Variants in UNC5B observed in about 807,000 individuals in gnomAD.
UNC5B encodes netrin receptor UNC5B.
In UNC5B, 56 loss-of-function variants were observed where a neutral mutation model predicts 103.7. That is an observed-to-expected ratio of 0.54 (90% confidence interval 0.44 to 0.67). UNC5B has a LOEUF of 0.67. UNC5B is among the 30% of genes least tolerant of loss of function. UNC5B has a pLI of 0.00. For synonymous variants in UNC5B, 577 were observed against 542.0 expected (o/e 1.06, Z -0.90); for missense variants, 1,194 against 1,284.5 (o/e 0.93, Z 1.08).
chr10:71,299,403 C>T lies in UNC5B; in HGVS notation c.*126C>T. The T allele has an allele frequency of 1.7e-6, 2 of 1,166,094 alleles. No homozygotes were observed. The highest frequency in any genetic ancestry group is 2.4e-6 in the Non-Finnish European group (2 of 824,396). 72.2% of individuals were successfully genotyped at this position (1,166,094 alleles called of 1,614,324 possible). A position where few individuals can be genotyped will look rare whatever the true frequency, so the allele number is the denominator to read the frequency against. On this transcript the variant is annotated 3_prime_UTR_variant, in exon 17 of 17. Transcript: ENST00000335350. ...GTTCACAGCCAGAGTTGCCTCTCCT[C>T]CTCCTCTTCCCCAACCCCCAGACCA...
At position 71,288,955 on chromosome 10, in the gene UNC5B, C is replaced by T; in HGVS notation, c.1067-3C>T. ...TTGTCTTTCCCTTTATTTCCCTTGA[C>T]AGATAAGAAAACTCTAAGCGACCCC... On this transcript the variant is annotated splice_region_variant and splice_polypyrimidine_tract_variant and intron_variant, in intron 7 of 16. Coordinates refer to ENST00000335350, the MANE Select transcript of UNC5B (RefSeq NM_170744.5). The T allele has an allele frequency of 1.9e-6, 3 of 1,606,750 alleles. No homozygotes were observed. The highest frequency in any genetic ancestry group is 2.6e-6 in the Non-Finnish European group (3 of 1,175,444).
chr10:71,286,943 C>G, intron 5 of UNC5B, 74 bp downstream of exon 5: 1 of 1,558,954 alleles, frequency 6.4e-7, no homozygotes, highest in Non-Finnish European at 8.7e-7. Context: ...TAGGGGGGAC[C>G]CCTGGATTGG....
Position 71,287,659 on chromosome 10 carries a change from C to G in UNC5B, c.795C>G (p.Gly265=). The change falls in exon 6 of 17, where the codon GGC becomes GGG. Residue 265 remains glycine (G), a synonymous_variant. Coordinates refer to ENST00000335350, the MANE Select transcript of UNC5B (RefSeq NM_170744.5). The part of the protein sequence containing the change: ...WSPCSNRCGR[G]WQKRTRTCTN... ...CCTGCTCCAACCGCTGTGGCCGAGG[C>G]TGGCAGAAGCGCACCCGGACCTGCA... 1 of 1,612,934 alleles carries G rather than the reference C, an allele frequency of 6.2e-7. No individual in the cohort carries two copies.
chr10:71,261,223 A>G (rs1188687186), intron 1 of UNC5B, among the ~76,000 whole-genome samples: 2 of 152,180 alleles, frequency 1.3e-5, no homozygotes, highest in Admixed American at 1.3e-4. Context: ...GTGAGGGTGA[A>G]TAGGGATTAA....
intron 1 of UNC5B, among the ~76,000 whole-genome samples, chr10:71,254,812 A>G (rs1394031657): frequency 6.6e-6 from 1 of 152,216 alleles, no homozygotes; most frequent in Admixed American, 6.5e-5. Context: ...TGGCGCCCTT[A>G]GAAACAACAC....
chr10:71,221,341 C>G (rs951576629), intron 1 of UNC5B, among the ~76,000 whole-genome samples: 3 of 152,206 alleles, frequency 2.0e-5, no homozygotes, highest in Non-Finnish European at 4.4e-5. Flanking sequence ...CCTTGTCACC[C>G]ACTCCGAAGC....
intron 1 of UNC5B, among the ~76,000 whole-genome samples, chr10:71,214,324 C>CTTTA (rs1843291433): frequency 6.6e-6 from 1 of 151,910 alleles, no homozygotes; most frequent in East Asian, 1.9e-4. Flanking sequence ...GAGGGCTTGG[C>CTTTA]TTTAGCACAT....
Position 71,213,117 on chromosome 10 carries a change from C to T in UNC5B, c.79+53C>T, listed in dbSNP as rs754276613. 1 of 1,219,062 alleles carries T rather than the reference C, an allele frequency of 8.2e-7. No homozygotes were observed. Among genetic ancestry groups the T allele is most frequent in the Non-Finnish European group, 1.0e-6 (1 of 963,954 alleles). The allele number at this position is 1,219,062 out of a possible 1,614,324, so 75.5% of individuals were successfully genotyped here. A position where few individuals can be genotyped will look rare whatever the true frequency, so the allele number is the denominator to read the frequency against. On this transcript the variant is annotated intron_variant, in intron 1 of 16. Coordinates refer to ENST00000335350, the MANE Select transcript of UNC5B (RefSeq NM_170744.5). This position sits in a 1 kb window ranked among gnomAD's most constrained non-coding sequence, Gnocchi z 4.1. The stretch of plus-strand genomic sequence containing the variant: ...GGGGCTAGGGGACCCTTGCGCCTCA[C>T]TCTGTCCTGAAGTTGAGGTGGTCTT...
At chr10:71,226,317 C>T (rs780934769) in intron 1 of UNC5B, among the ~76,000 whole-genome samples, 3 of 152,176 alleles carry the variant, frequency 2.0e-5, no homozygotes, top group Admixed American at 6.5e-5. Context: ...TCAAGTGATC[C>T]GCTTGCCTCG....
chr10:71,250,953 TCTC>T (rs906167220), intron 1 of UNC5B, among the ~76,000 whole-genome samples: 1 of 152,156 alleles, frequency 6.6e-6, no homozygotes, highest in African/African-American at 2.4e-5. Flanking sequence ...GGCAAGTAGG[TCTC>T]CTCTTGCTAC....
Position 71,299,337 on chromosome 10 carries a change from G to A in UNC5B, c.*60G>A. 1.3e-6 allele frequency: 2 copies of A among 1,593,630 alleles called. No homozygotes were observed. The highest frequency in any genetic ancestry group is 8.5e-7 in the Non-Finnish European group (1 of 1,170,684). On this transcript the variant is annotated 3_prime_UTR_variant, in exon 17 of 17. Coordinates refer to ENST00000335350, the MANE Select transcript of UNC5B (RefSeq NM_170744.5). Reference sequence around the variant, plus strand: ...GGAGGCAGGTGCAGGGAGGCCTGGGGCAGCCTCCTGATGGGGATGTTTGGC... The same window carrying A: ...GGAGGCAGGTGCAGGGAGGCCTGGGACAGCCTCCTGATGGGGATGTTTGGC...
chr10:71,290,705 G>A (rs1845224573), intron 8 of UNC5B, among the ~76,000 whole-genome samples: 1 of 152,236 alleles, frequency 6.6e-6, no homozygotes, highest in African/African-American at 2.4e-5. Context: ...AACTAGGAGG[G>A]CAGTAAGGCA....
chr10:71,214,639 T>C (rs1843296536), intron 1 of UNC5B, among the ~76,000 whole-genome samples: 1 of 152,032 alleles, frequency 6.6e-6, no homozygotes, highest in Non-Finnish European at 1.5e-5. Context: ...GGTTGTGTCT[T>C]GGGAAGCTGC....
At chr10:71,291,293 C>A in intron 9 of UNC5B, 139 bp from the exon 10 acceptor site, 1 of 1,391,056 alleles carries the variant, frequency 7.2e-7, no homozygotes, top group Non-Finnish European at 9.8e-7. Context: ...GTGACCCAGG[C>A]TGCGGGATTC....
At chr10:71,230,250 A>G (rs1205814949) in intron 1 of UNC5B, among the ~76,000 whole-genome samples, 1 of 152,158 alleles carries the variant, frequency 6.6e-6, no homozygotes, top group African/African-American at 2.4e-5. Flanking sequence ...CTGATTGGTC[A>G]GAGTGAGGAG....
At chr10:71,232,894 A>G (rs965941311) in intron 1 of UNC5B, among the ~76,000 whole-genome samples, 3 of 152,198 alleles carry the variant, frequency 2.0e-5, no homozygotes, top group Non-Finnish European at 2.9e-5. Flanking sequence ...TGAGATGGGC[A>G]TGATTACCTT....
rs1301140342 is a variant in UNC5B, at chr10:71,213,617, G to C, written c.79+553G>C. Among the ~76,000 whole-genome samples, 1 of 151,938 alleles carries C rather than the reference G, an allele frequency of 6.6e-6. No individual in the cohort carries two copies. The highest frequency in any genetic ancestry group is 1.5e-5 in the Non-Finnish European group (1 of 68,018). On this transcript the variant is annotated intron_variant, in intron 1 of 16. Transcript: ENST00000335350. The surrounding 1 kb of genome is among the most constrained non-coding windows in gnomAD (Gnocchi z 4.1). The stretch of plus-strand genomic sequence containing the variant: ...GCTTGCAGGGCTCCTGAAGCGGGGA[G>C]GGCTAAGTCTTGCACACATAGCTTT...
intron 3 of UNC5B, 109 bp from the exon 4 acceptor site, chr10:71,285,217 C>T (rs1845040612): frequency 1.7e-5 from 20 of 1,151,564 alleles, no homozygotes; most frequent in South Asian, 7.9e-5. Flanking sequence ...CAGGTGGGCC[C>T]ATCAACAGTA....
At position 71,219,509 on chromosome 10, in the gene UNC5B, C is replaced by A. The variant is rs543267515; in HGVS notation, c.79+6445C>A. Among the ~76,000 whole-genome samples the A allele has an allele frequency of 2.0e-5, 3 of 152,238 alleles. No homozygotes were observed. In the East Asian group the frequency reaches 5.8e-4, roughly 29 times the overall value. Reference sequence around the variant, plus strand: ...TTTTTCTGTCTGCTTATATTCTAGCCCTGCTGGCAGCTGATTAGATTGTGC... The same window carrying A: ...TTTTTCTGTCTGCTTATATTCTAGCACTGCTGGCAGCTGATTAGATTGTGC... On this transcript the variant is annotated intron_variant, in intron 1 of 16. Coordinates refer to ENST00000335350, the MANE Select transcript of UNC5B (RefSeq NM_170744.5).
Sources: allele counts gnomAD v4.1 joint callset (sites outside exome capture counted in the v4.1 genomes callset), GRCh38; gene constraint gnomAD v4.1.1; non-coding constraint Gnocchi (gnomAD v3.1); transcripts MANE v1.5; gene names NCBI Gene and HGNC (gene_info 2026-07-23, HGNC 2026-07-21).